Variants in COL22A1 observed in about 807,000 individuals in gnomAD.
The protein encoded by COL22A1 is collagen alpha-1(XXII) chain.
In COL22A1, 221 loss-of-function variants were observed where a neutral mutation model predicts 248.9. The observed-to-expected ratio is 0.89, with a 90% CI of 0.80 to 0.99. COL22A1 has a LOEUF of 0.99. Among genes scored for constraint, COL22A1 ranks in the 50% least tolerant of loss-of-function variants. The pLI is 0.00. For synonymous variants in COL22A1, 891 were observed against 793.4 expected (o/e 1.12, Z -2.07); for missense variants, 2,240 against 2,179.0 (o/e 1.03, Z -0.56).
chr8:138,778,554 G>A (rs923956482), intron 14 of COL22A1, 148 bp from the exon 15 acceptor site: 22 of 657,686 alleles, frequency 3.3e-5, no homozygotes, highest in Middle Eastern at 4.3e-4. Flanking sequence ...CACAGGTCTC[G>A]CCAGCAGACA....
intron 37 of COL22A1, among the ~76,000 whole-genome samples, chr8:138,686,319 C>T (rs1826347453): frequency 6.6e-6 from 1 of 152,178 alleles, no homozygotes. Flanking sequence ...TCTGAACAGC[C>T]CTTGTGGCGG....
At chr8:138,892,649 C>T (rs1308879438) in intron 1 of COL22A1, among the ~76,000 whole-genome samples, 1 of 152,226 alleles carries the variant, frequency 6.6e-6, no homozygotes, top group African/African-American at 2.4e-5. Flanking sequence ...CCCAAAAGTC[C>T]AGCAATTAAT....
intron 47 of COL22A1, among the ~76,000 whole-genome samples, chr8:138,643,889 G>A (rs1821967709): frequency 6.6e-6 from 1 of 151,948 alleles, no homozygotes; most frequent in African/African-American, 2.4e-5. Flanking sequence ...GTAGAAATGA[G>A]GTTTCACCAT....
chr8:138,625,016 A>G lies in COL22A1; in HGVS notation c.3717+1174T>C, dbSNP rs151165461. On this transcript the variant is annotated intron_variant, in intron 51 of 64. Coordinates refer to ENST00000303045, the MANE Select transcript of COL22A1 (RefSeq NM_152888.3). ...ATGATTAATTACCAGGCATGCTTCAATGTTACGTCCTCAGATCTAACAAAC... is the reference window on the plus strand; with the variant it reads ...ATGATTAATTACCAGGCATGCTTCAGTGTTACGTCCTCAGATCTAACAAAC... 1.7e-3 allele frequency among the ~76,000 whole-genome samples: 262 copies of G among 152,338 alleles called. 1 individual carries two copies. Among genetic ancestry groups the G allele is most frequent in the African/African-American group, 6.1e-3 (253 of 41,576 alleles).
At chr8:138,640,018 G>T (rs1479246958) in intron 47 of COL22A1, among the ~76,000 whole-genome samples, 1 of 152,224 alleles carries the variant, frequency 6.6e-6, no homozygotes, top group Non-Finnish European at 1.5e-5. Context: ...TTGAGGACTA[G>T]TTATTGCTTA....
At chr8:138,892,369 CA>C (rs1399791292) in intron 1 of COL22A1, among the ~76,000 whole-genome samples, 8 of 152,310 alleles carry the variant, frequency 5.3e-5, no homozygotes, top group African/African-American at 1.9e-4. Flanking sequence ...TCTACTCTAT[CA>C]GGGGGTATGG....
At chr8:138,703,474 G>T (rs1048268409) in intron 30 of COL22A1, 127 bp from the exon 31 acceptor site, 88 of 752,536 alleles carry the variant, frequency 1.2e-4, no homozygotes, top group Admixed American at 4.7e-4. Context: ...GGTGCAGGTA[G>T]GTGCACCCTG....
intron 12 of COL22A1, among the ~76,000 whole-genome samples, chr8:138,789,333 T>C (rs1815828654): frequency 6.6e-6 from 1 of 152,224 alleles, no homozygotes; most frequent in Non-Finnish European, 1.5e-5. Context: ...AATTTCCCCT[T>C]AAACCCTTTA....
In COL22A1 at chr8:138,644,575, AC is replaced by A. The variant is rs371193687; in HGVS notation, c.3501+2053del. 1.9e-4 allele frequency among the ~76,000 whole-genome samples: 29 copies of A among 152,088 alleles called. No homozygotes were observed. In the East Asian group the frequency reaches 4.8e-3, roughly 25 times the overall value. On this transcript the variant is annotated intron_variant, in intron 47 of 64. Transcript: ENST00000303045. ...TCTCTGGACCAGTTTTGGCCAACTC[AC>A]AGAGCACGTGTAGTCAAAAGCTTTC... is the stretch of plus-strand genomic sequence containing the variant.
intron 30 of COL22A1, among the ~76,000 whole-genome samples, chr8:138,715,244 T>C (rs1467226943): frequency 1.3e-5 from 2 of 152,298 alleles, no homozygotes; most frequent in East Asian, 3.9e-4. Flanking sequence ...TGAACGCAAC[T>C]AAATTCTGCG....
intron 56 of COL22A1, among the ~76,000 whole-genome samples, chr8:138,611,421 G>A (rs1298521515): frequency 6.6e-6 from 1 of 152,190 alleles, no homozygotes; most frequent in Non-Finnish European, 1.5e-5. Context: ...CTCCAGAATT[G>A]GATGCAAAAG....
At chr8:138,682,353 A>T (rs1003968553) in intron 39 of COL22A1, among the ~76,000 whole-genome samples, 5 of 152,238 alleles carry the variant, frequency 3.3e-5, no homozygotes, top group Non-Finnish European at 7.3e-5. Flanking sequence ...GAAGGCATAT[A>T]GGAAACTTTA....
chr8:138,690,671 T>G (rs1826771437), intron 36 of COL22A1, 150 bp downstream of exon 36: 3 of 560,248 alleles, frequency 5.4e-6, no homozygotes, highest in Admixed American at 3.8e-5. Context: ...TTCTGGGTGG[T>G]CTATGTCAGG....
rs189136782 is a variant in COL22A1 at position 138,720,787 on chromosome 8, T to A, written c.2307A>T (p.Glu769Asp). 1 of 1,613,512 alleles carries A rather than the reference T, an allele frequency of 6.2e-7. No individual in the cohort carries two copies. Among genetic ancestry groups the A allele is most frequent in the East Asian group, 2.2e-5 (1 of 44,866 alleles). The change falls in exon 27 of 65, where the codon GAA becomes GAT. Residue 769 changes from glutamate to aspartate, a missense_variant. Coordinates refer to ENST00000303045, the MANE Select transcript of COL22A1 (RefSeq NM_152888.3). ...GACCATCTTCCCCTCTTTCTCCTGG[T>A]TCTCCCTGGAAGGAATACAGAGCAA... Reference protein sequence around the residue: ...GPPGPPGTKGEPGERGEDGLP... With the variant: ...GPPGPPGTKGDPGERGEDGLP...
At chr8:138,714,950 G>T (rs1018315004) in intron 30 of COL22A1, among the ~76,000 whole-genome samples, 2 of 152,120 alleles carry the variant, frequency 1.3e-5, no homozygotes, top group Non-Finnish European at 2.9e-5. Context: ...TGCCTCCATT[G>T]CCCTCACACC....
intron 55 of COL22A1, 132 bp from the exon 56 acceptor site, chr8:138,614,052 C>T (rs2131897006): frequency 1.4e-6 from 1 of 732,516 alleles, no homozygotes; most frequent in Non-Finnish European, 2.4e-6. Flanking sequence ...CATGTTTCAT[C>T]ATTAATTGTC....
At chr8:138,767,707 G>C (rs954299733) in intron 16 of COL22A1, among the ~76,000 whole-genome samples, 1 of 152,142 alleles carries the variant, frequency 6.6e-6, no homozygotes, top group African/African-American at 2.4e-5. Flanking sequence ...ACAGTGCACC[G>C]CCCGGTCTCC....
intron 3 of COL22A1, among the ~76,000 whole-genome samples, chr8:138,859,190 C>A (rs1822262270): frequency 1.3e-5 from 2 of 152,220 alleles, no homozygotes; most frequent in African/African-American, 4.8e-5. Flanking sequence ...TAGCACACAG[C>A]CTGGGCATGT....
At position 138,784,393 on chromosome 8, in the gene COL22A1, A is replaced by G. The variant is rs1815319323; in HGVS notation, c.1597-3413T>C. Among the ~76,000 whole-genome samples the G allele has an allele frequency of 1.3e-5, 2 of 152,218 alleles. 1 individual carries two copies. Among genetic ancestry groups the G allele is most frequent in the African/African-American group, 4.8e-5 (2 of 41,452 alleles). On this transcript the variant is annotated intron_variant, in intron 12 of 64. Coordinates refer to ENST00000303045, the MANE Select transcript of COL22A1 (RefSeq NM_152888.3). ...TTTTGTGGGTTAAACTATCACAAGCATCTTCCTTGGAGCATGCTGTCACGG... is the reference window on the plus strand; with the variant it reads ...TTTTGTGGGTTAAACTATCACAAGCGTCTTCCTTGGAGCATGCTGTCACGG...
Sources: allele counts gnomAD v4.1 joint callset (sites outside exome capture counted in the v4.1 genomes callset), GRCh38; gene constraint gnomAD v4.1.1; transcripts MANE v1.5; gene names NCBI Gene and HGNC (gene_info 2026-07-23, HGNC 2026-07-21).